P2RY6: variants seen among roughly 807,000 people sequenced by gnomAD.
P2RY6 encodes pyrimidinergic receptor P2Y6.
Under a neutral mutation model 16.3 loss-of-function variants are expected in P2RY6, and 19 were observed. The observed-to-expected ratio is 1.16, with a 90% CI of 0.81 to 1.71. The LOEUF (loss-of-function observed/expected upper bound fraction) is 1.71, where lower values mean the gene tolerates loss of function less well. Ranked by LOEUF, P2RY6 falls within the 40% of genes most tolerant of loss-of-function variation. The pLI, the probability that P2RY6 is intolerant of heterozygous loss-of-function variation, is 0.00. For synonymous variants in P2RY6, 184 were observed against 201.5 expected (o/e 0.91, Z 0.74); for missense variants, 389 against 455.5 (o/e 0.85, Z 1.33).
At chr11:73,277,098 A>G (rs1863567501) in intron 1 of P2RY6, among the ~76,000 whole-genome samples, 1 of 151,370 alleles carries the variant, frequency 6.6e-6, no homozygotes, top group Non-Finnish European at 1.5e-5. Context: ...TCACTGCATC[A>G]TAATGTCAGA....
chr11:73,276,789 G>A (rs1006154415), intron 1 of P2RY6, among the ~76,000 whole-genome samples: 1 of 152,200 alleles, frequency 6.6e-6, no homozygotes, highest in Non-Finnish European at 1.5e-5. Flanking sequence ...GGATAGTGAC[G>A]ATGGTTGCAC....
rs185403830 is a variant in P2RY6 at position 73,272,502 on chromosome 11, G to A, written c.-121+36G>A. 3,091 of 985,498 alleles carry A rather than the reference G, an allele frequency of 3.1e-3. 5 individuals are homozygous for A. Among genetic ancestry groups the A allele is most frequent in the Non-Finnish European group, 3.4e-3 (2,834 of 829,966 alleles). 61.0% of individuals were successfully genotyped at this position (985,498 alleles called of 1,614,324 possible). A position where few individuals can be genotyped will look rare whatever the true frequency, so the allele number is the denominator to read the frequency against. ...TGGGTCCATGCCTGGAAGGGCTTGCGCCCCTCAGCTCCCCTAGGAGCTTCC... is the reference window on the plus strand; with the variant it reads ...TGGGTCCATGCCTGGAAGGGCTTGCACCCCTCAGCTCCCCTAGGAGCTTCC... On this transcript the variant is annotated intron_variant, in intron 1 of 2. Coordinates refer to ENST00000540124, the MANE Select transcript of P2RY6 (RefSeq NM_001277204.2).
rs781659362 is a variant in P2RY6 at position 73,296,940 on chromosome 11, G to T, written c.422G>T (p.Arg141Leu). ...GCCCCCTGGCACAAACGTGGGGGCCGCCGGGCTGCCTGGCTAGTGTGTGTA... is the reference window on the plus strand; with the variant it reads ...GCCCCCTGGCACAAACGTGGGGGCCTCCGGGCTGCCTGGCTAGTGTGTGTA... Reference protein sequence around the residue: ...PLAPWHKRGGRRAAWLVCVAV... With the variant: ...PLAPWHKRGGLRAAWLVCVAV... Residue 141 changes from arginine (R) to leucine (L), a missense_variant, in exon 3 of 3, where the codon CGC (arginine) becomes CTC (leucine). Transcript: ENST00000540124. The T allele has an allele frequency of 7.5e-6, 12 of 1,605,988 alleles. No homozygotes were observed. The highest frequency in any genetic ancestry group is 5.1e-6 in the Non-Finnish European group (6 of 1,179,992).
intron 1 of P2RY6, among the ~76,000 whole-genome samples, chr11:73,274,680 T>C (rs1167997391): frequency 6.6e-6 from 1 of 152,192 alleles, no homozygotes; most frequent in Non-Finnish European, 1.5e-5. Context: ...GAGCTGGGAC[T>C]ATAATTTGTC....
Position 73,272,398 on chromosome 11 carries a change from GC to G in P2RY6, c.-188del. 2.0e-6 allele frequency: 2 copies of G among 985,510 alleles called. No homozygotes were observed. Among genetic ancestry groups the G allele is most frequent in the Non-Finnish European group, 2.4e-6 (2 of 829,958 alleles). The allele number at this position is 985,510 out of a possible 1,614,324, so 61.0% of individuals were successfully genotyped here. ...GGCACAGAACTGACTGGCAGCAGGG[GC>G]TGCTCCACGAGTGGGAATTTGCTCC... is the stretch of plus-strand genomic sequence containing the variant. On this transcript the variant is annotated 5_prime_UTR_variant, in exon 1 of 3. Coordinates refer to ENST00000540124, the MANE Select transcript of P2RY6 (RefSeq NM_001277204.2).
intron 1 of P2RY6, among the ~76,000 whole-genome samples, chr11:73,276,667 A>C (rs1448651226): frequency 6.6e-6 from 1 of 152,244 alleles, no homozygotes; most frequent in African/African-American, 2.4e-5. Context: ...GCAAATTCAT[A>C]AATACAAAAA....
In P2RY6 at chr11:73,283,380, A is replaced by G. The variant is rs115202736; in HGVS notation, c.-121+10914A>G. ...CCAGTCACCTCCCTAATCCCCTGCT[A>G]CACAGATGTCCTGGAGGTGCCCCTG... On this transcript the variant is annotated intron_variant, in intron 1 of 2. Coordinates refer to ENST00000540124, the MANE Select transcript of P2RY6 (RefSeq NM_001277204.2). Among the ~76,000 whole-genome samples, 448 of 152,186 alleles carry G rather than the reference A, an allele frequency of 2.9e-3. 5 individuals are homozygous for G. Among genetic ancestry groups the G allele is most frequent in the African/African-American group, 0.01 (426 of 41,528 alleles).
rs1565174066 is a variant in P2RY6, at chr11:73,295,745, C to T, written c.-105C>T. Reference sequence around the variant, plus strand: ...TATTTTACAGATAACAAGACCTCTGCCAGAAGAACCATGGCTTTGGAAGGC... The same window carrying T: ...TATTTTACAGATAACAAGACCTCTGTCAGAAGAACCATGGCTTTGGAAGGC... On this transcript the variant is annotated 5_prime_UTR_variant, in exon 2 of 3. Transcript: ENST00000540124. 1 of 984,676 alleles carries T rather than the reference C, an allele frequency of 1.0e-6. No individual in the cohort carries two copies. The highest frequency in any genetic ancestry group is 1.2e-6 in the Non-Finnish European group (1 of 829,364). The allele number at this position is 984,676 out of a possible 1,614,324, so 61.0% of individuals were successfully genotyped here. A position where few individuals can be genotyped will look rare whatever the true frequency, so the allele number is the denominator to read the frequency against.
chr11:73,278,462 C>A (rs957354945), intron 1 of P2RY6, among the ~76,000 whole-genome samples: 2 of 152,168 alleles, frequency 1.3e-5, no homozygotes, highest in African/African-American at 4.8e-5. Context: ...CCGTGCCCAG[C>A]CCTCCAGGAC....
intron 1 of P2RY6, among the ~76,000 whole-genome samples, chr11:73,283,135 G>T (rs949396828): frequency 3.3e-5 from 5 of 152,130 alleles, no homozygotes; most frequent in Admixed American, 6.5e-5. Context: ...AATTCCATGG[G>T]CTGGGATTTG....
chr11:73,276,363 CATT>C (rs1456689148), intron 1 of P2RY6, among the ~76,000 whole-genome samples: 1 of 152,196 alleles, frequency 6.6e-6, no homozygotes, highest in Non-Finnish European at 1.5e-5. Flanking sequence ...CCCCTGGTTC[CATT>C]CAAAGGTGTA....
At position 73,265,409 on chromosome 11, in the gene P2RY6, A is replaced by T. The variant is rs770401273; in HGVS notation, c.-281+760A>T. 3 of 152,234 alleles carry T rather than the reference A, an allele frequency of 2.0e-5. No homozygotes were observed. The South Asian group carries it at 6.2e-4, about 32-fold the overall frequency. The allele number at this position is 152,234 out of a possible 1,614,324, so 9.4% of individuals were successfully genotyped here. A position where few individuals can be genotyped will look rare whatever the true frequency, so the allele number is the denominator to read the frequency against. The stretch of plus-strand genomic sequence containing the variant: ...TTGCATTCTTCTATAATATTTCTGC[A>T]TATAAAAACACTGTTCTGATAAATT... On this transcript the variant is annotated intron_variant, in intron 1 of 3. Coordinates refer to the P2RY6 transcript ENST00000349767.
chr11:73,275,949 G>A (rs1863517907), intron 1 of P2RY6, among the ~76,000 whole-genome samples: 1 of 152,170 alleles, frequency 6.6e-6, no homozygotes. Flanking sequence ...TGGGGAAACT[G>A]AGACTCAGAG....
At chr11:73,284,263 T>C (rs1311470882) in intron 1 of P2RY6, among the ~76,000 whole-genome samples, 2 of 152,094 alleles carry the variant, frequency 1.3e-5, no homozygotes, top group African/African-American at 2.4e-5. Context: ...CAGTGCAGGA[T>C]GGAGCAGTCT....
rs1293798681 is a variant in P2RY6, at chr11:73,297,092, TA to T, written c.575del (p.Tyr192LeufsTer167). The T allele has an allele frequency of 4.4e-6, 7 of 1,603,278 alleles. No individual in the cohort carries two copies. The highest frequency in any genetic ancestry group is 1.7e-5 in the Admixed American group (1 of 60,034). ...TGCCCTGGCCACCCACTATATGCCC[TA>T]TGGCATGGCTCTCACTGTCATCGGC... ...PPALATHYMP[Y>X]GMALTVIGFL... On this transcript the variant is annotated frameshift_variant, in exon 3 of 3. Transcript: ENST00000540124. LOFTEE classifies it high-confidence loss of function.
At chr11:73,276,892 C>T (rs560801252) in intron 1 of P2RY6, among the ~76,000 whole-genome samples, 2 of 152,158 alleles carry the variant, frequency 1.3e-5, no homozygotes, top group South Asian at 2.1e-4. Context: ...TGTTTAAATC[C>T]GGGAGCAGGA....
upstream of P2RY6, chr11:73,272,252 C>A (rs73538790): frequency 6.5e-5 from 46 of 706,626 alleles, no homozygotes; most frequent in Non-Finnish European, 7.7e-5. Flanking sequence ...GGATTCGAGT[C>A]CTGGCCCTGC....
chr11:73,268,669 C>T (rs1251508283), upstream of P2RY6, among the ~76,000 whole-genome samples: 1 of 152,214 alleles, frequency 6.6e-6, no homozygotes, highest in Non-Finnish European at 1.5e-5. Flanking sequence ...AGACCACCAA[C>T]CATGCTTCCT....
At chr11:73,293,453 G>A (rs933875919) in intron 1 of P2RY6, among the ~76,000 whole-genome samples, 1 of 152,198 alleles carries the variant, frequency 6.6e-6, no homozygotes, top group Non-Finnish European at 1.5e-5. Context: ...CCCACCATGG[G>A]CAGAGTCCAG....
Sources: allele counts gnomAD v4.1 joint callset (sites outside exome capture counted in the v4.1 genomes callset), GRCh38; gene constraint gnomAD v4.1.1; transcripts MANE v1.5; gene names NCBI Gene and HGNC (gene_info 2026-07-23, HGNC 2026-07-21).